SGF29: variants seen among roughly 807,000 people sequenced by gnomAD.
The protein encoded by SGF29 is SAGA-associated factor 29.
SGF29 carries 15 observed loss-of-function variants against 38.1 expected under a neutral mutation model. The ratio of observed to expected loss-of-function variants is 0.39; its 90% CI spans 0.26 to 0.61. SGF29 has a LOEUF of 0.61. Among genes scored for constraint, SGF29 ranks in the 20% least tolerant of loss-of-function variants. SGF29 has a pLI of 0.49. For missense variants in SGF29, 184 were observed against 394.6 expected (o/e 0.47, Z 4.52); for synonymous variants, 151 against 160.8 (o/e 0.94, Z 0.46).
Position 28,590,111 on chromosome 16 carries a change from G to A in SGF29, c.305G>A (p.Gly102Asp), listed in dbSNP as rs2046979259. The change falls in exon 6 of 10, where the codon GGT (glycine) becomes GAT (aspartate). Residue 102 changes from glycine to aspartate, a missense_variant. By Grantham distance (94) the Gly-to-Asp change is moderately conservative. Around this residue, in one of 2 missense-constraint regions of SGF29, gnomAD observed 107 missense variants for 276.9 expected, o/e 0.39. Coordinates refer to ENST00000317058, the MANE Select transcript of SGF29 (RefSeq NM_138414.3). The surrounding 1 kb of genome is among the most constrained non-coding windows in gnomAD (Gnocchi z 8.2). ...EERRIAAKIA[G>D]LYNDSEPPRK... ...CTTCCCACAGCGGCCAAGATTGCCG[G>A]TCTCTACAATGACTCGGAGCCACCC... 1 of 1,611,544 alleles carries A rather than the reference G, an allele frequency of 6.2e-7. No individual in the cohort carries two copies.
At chr16:28,578,688 A>G (rs868227423) in intron 1 of SGF29, among the ~76,000 whole-genome samples, 2,823 of 150,750 alleles carry the variant, frequency 0.019, 92 homozygotes, top group African/African-American at 0.065. Context: ...CAACTTTAAA[A>G]AAAAAAAAAA....
chr16:28,558,523 T>C lies in SGF29; in HGVS notation c.-16+4426T>C, dbSNP rs191243326. Among the ~76,000 whole-genome samples, 467 of 152,208 alleles carry C rather than the reference T, an allele frequency of 3.1e-3. 9 individuals carry two copies. The highest frequency in any genetic ancestry group is 0.019 in the Admixed American group (296 of 15,286). Reference sequence around the variant, plus strand: ...ATCCTCTGTACTTGGCCTCCCAAGGTGTTGGGATTACAGGCATGAGCCACT... The same window carrying C: ...ATCCTCTGTACTTGGCCTCCCAAGGCGTTGGGATTACAGGCATGAGCCACT... On this transcript the variant is annotated intron_variant, in intron 1 of 9. Transcript: ENST00000317058.
chr16:28,588,607 C>G (rs754496596), intron 4 of SGF29: 28 of 432,650 alleles, frequency 6.5e-5, no homozygotes, highest in South Asian at 4.5e-4. Flanking sequence ...TCTTTTTGCC[C>G]AGGTTGGAGT....
intron 1 of SGF29, among the ~76,000 whole-genome samples, chr16:28,575,265 A>C (rs914414036): frequency 2.0e-5 from 3 of 152,200 alleles, no homozygotes; most frequent in Non-Finnish European, 4.4e-5. Flanking sequence ...GCATTGTGTA[A>C]AGCTGTGGTG....
chr16:28,554,613 A>G (rs1305817255), intron 1 of SGF29, among the ~76,000 whole-genome samples: 5 of 152,152 alleles, frequency 3.3e-5, no homozygotes, highest in African/African-American at 1.2e-4. Flanking sequence ...CCCGGCCAAA[A>G]AATGCCCGTC....
chr16:28,563,425 GCA>G (rs2046801886), intron 1 of SGF29, among the ~76,000 whole-genome samples: 1 of 152,142 alleles, frequency 6.6e-6, no homozygotes, highest in Non-Finnish European at 1.5e-5. Context: ...TACCCAGTAG[GCA>G]CAGTGATCTT....
intron 5 of SGF29, 21 bp downstream of exon 5, chr16:28,589,185 T>C: frequency 6.2e-7 from 1 of 1,613,674 alleles, no homozygotes; most frequent in Non-Finnish European, 8.5e-7. Flanking sequence ...GAGAACATGC[T>C]GGGAGGTCCT....
intron 1 of SGF29, among the ~76,000 whole-genome samples, chr16:28,569,481 G>A (rs1030479436): frequency 1.3e-5 from 2 of 151,808 alleles, no homozygotes; most frequent in African/African-American, 4.8e-5. Context: ...GCAACATGGT[G>A]CAACCCTGTC....
intron 1 of SGF29, among the ~76,000 whole-genome samples, chr16:28,557,609 G>C (rs1348711324): frequency 6.6e-6 from 1 of 152,216 alleles, no homozygotes; most frequent in Non-Finnish European, 1.5e-5. Flanking sequence ...TAAAGCAACT[G>C]GGGGCTTGTG....
At chr16:28,580,295 A>C (rs1436970481) in intron 1 of SGF29, among the ~76,000 whole-genome samples, 1 of 152,214 alleles carries the variant, frequency 6.6e-6, no homozygotes, top group Non-Finnish European at 1.5e-5. Flanking sequence ...TATGGCTGCC[A>C]TAACAAGTTA....
chr16:28,554,854 C>G (rs2046738196), intron 1 of SGF29, among the ~76,000 whole-genome samples: 1 of 152,220 alleles, frequency 6.6e-6, no homozygotes, highest in Non-Finnish European at 1.5e-5. Context: ...TAAGTTAGGT[C>G]TCAGTCCTGT....
intron 1 of SGF29, among the ~76,000 whole-genome samples, chr16:28,572,049 G>A (rs1212844634): frequency 1.3e-5 from 2 of 152,150 alleles, no homozygotes; most frequent in East Asian, 1.9e-4. Flanking sequence ...GCACAATCTC[G>A]GCTCACTGCA....
Position 28,590,389 on chromosome 16 carries a change from G to A in SGF29, c.513G>A (p.Gly171=). ...KVAARVKAVD[G]DEQWILAEVV... is the part of the protein sequence containing the mutation. ...CTGCCCGGGTGAAGGCCGTGGATGGGGACGAGCAGTGGATCCTGGCCGAGG... is the reference window on the plus strand; with the variant it reads ...CTGCCCGGGTGAAGGCCGTGGATGGAGACGAGCAGTGGATCCTGGCCGAGG... The change falls in exon 7 of 10, where the codon GGG becomes GGA. Residue 171 remains glycine (G), a synonymous_variant. Coordinates refer to ENST00000317058, the MANE Select transcript of SGF29 (RefSeq NM_138414.3). The surrounding 1 kb of genome is among the most constrained non-coding windows in gnomAD (Gnocchi z 8.2). 1 of 1,613,910 alleles carries A rather than the reference G, an allele frequency of 6.2e-7. No homozygotes were observed. The highest frequency in any genetic ancestry group is 8.5e-7 in the Non-Finnish European group (1 of 1,179,842).
At chr16:28,559,710 C>G (rs894844510) in intron 1 of SGF29, among the ~76,000 whole-genome samples, 3 of 152,140 alleles carry the variant, frequency 2.0e-5, no homozygotes, top group African/African-American at 7.2e-5. Flanking sequence ...CTGCCTAAAC[C>G]TCTGAACTAG....
At chr16:28,587,595 A>G (rs1010289731) in intron 4 of SGF29, among the ~76,000 whole-genome samples, 2 of 152,172 alleles carry the variant, frequency 1.3e-5, no homozygotes, top group African/African-American at 4.8e-5. Flanking sequence ...GAGGTCCATG[A>G]GTCACATGCC....
Position 28,578,684 on chromosome 16 carries a change from TAA to T in SGF29, c.-15-2354_-15-2353del, listed in dbSNP as rs11300836. Among the ~76,000 whole-genome samples the T allele has an allele frequency of 4.3e-3, 599 of 138,918 alleles. 1 individual carries two copies. The highest frequency in any genetic ancestry group is 0.01 in the South Asian group (43 of 4,294). 91.1% of individuals were successfully genotyped at this position (138,918 alleles called of 152,430 possible). On this transcript the variant is annotated intron_variant, in intron 1 of 9. Transcript: ENST00000317058. ...GGAGGATGTGTTAGTTGAACAACTTTAAAAAAAAAAAAAAAAAAGAGGGCGAG... is the reference window on the plus strand; with the variant it reads ...GGAGGATGTGTTAGTTGAACAACTTTAAAAAAAAAAAAAAAAGAGGGCGAG...
At chr16:28,588,956 C>T (rs13336311) in intron 4 of SGF29, 144 bp from the exon 5 acceptor site, 37,357 of 786,000 alleles carry the variant, frequency 0.048, 1,485 homozygotes, top group East Asian at 0.15. Flanking sequence ...TGTCATTCCA[C>T]CTGCGCAGGA....
chr16:28,577,545 G>A (rs539619811), intron 1 of SGF29, among the ~76,000 whole-genome samples: 38 of 152,156 alleles, frequency 2.5e-4, no homozygotes, highest in Admixed American at 4.6e-4. Flanking sequence ...ATGTCATAGC[G>A]TGTCTCAGTA....
At chr16:28,574,947 G>A (rs901327236) in intron 1 of SGF29, among the ~76,000 whole-genome samples, 2 of 152,142 alleles carry the variant, frequency 1.3e-5, no homozygotes, top group Admixed American at 6.5e-5. Context: ...CTAATTCACC[G>A]TGTTCACTTC....
Sources: gnomAD v4.1 joint callset for allele counts (sites outside exome capture counted in the v4.1 genomes callset) on GRCh38, gnomAD v4.1.1 for gene constraint, gnomAD v4.1.1 regional missense constraint, Gnocchi (gnomAD v3.1) non-coding constraint, MANE v1.5 for transcripts, NCBI Gene and HGNC (gene_info 2026-07-23, HGNC 2026-07-21) for gene names.